Variants in CCSER1 observed in about 807,000 individuals in gnomAD.
CCSER1 encodes serine-rich coiled-coil domain-containing protein 1.
CCSER1 carries 41 observed loss-of-function variants against 82.0 expected under a neutral mutation model. The ratio of observed to expected loss-of-function variants is 0.50; its 90% CI spans 0.39 to 0.65. The LOEUF is 0.65. Ranked by LOEUF, CCSER1 falls within the 30% of genes least tolerant of loss-of-function variation. CCSER1 has a pLI of 0.00. For missense variants in CCSER1, 1,119 were observed against 1,064.2 expected (o/e 1.05, Z -0.72); for synonymous variants, 414 against 383.9 (o/e 1.08, Z -0.92).
At chr4:90,851,144 TG>T (rs1763833446) in intron 8 of CCSER1, among the ~76,000 whole-genome samples, 1 of 152,206 alleles carries the variant, frequency 6.6e-6, no homozygotes, top group East Asian at 1.9e-4. Flanking sequence ...CCTAGGCATG[TG>T]AAACTGTGAG....
intron 10 of CCSER1, among the ~76,000 whole-genome samples, chr4:91,263,043 G>A (rs1741314356): frequency 6.6e-6 from 1 of 151,922 alleles, no homozygotes; most frequent in East Asian, 1.9e-4. Context: ...TAGCCCACGG[G>A]AATTTTGTAA....
At chr4:90,893,792 T>TGG (rs1554038055) in intron 8 of CCSER1, among the ~76,000 whole-genome samples, 73 of 145,390 alleles carry the variant, frequency 5.0e-4, no homozygotes, top group African/African-American at 9.6e-4. Context: ...TGTGTGTGTG[T>TGG]GGGGGGTGAA....
chr4:90,404,513 G>A (rs963877672), intron 4 of CCSER1, among the ~76,000 whole-genome samples: 2 of 152,212 alleles, frequency 1.3e-5, no homozygotes, highest in Non-Finnish European at 2.9e-5. Flanking sequence ...AACTGCAGCT[G>A]ATGCCTTCTT....
At chr4:91,117,806 A>G (rs1050265377) in intron 10 of CCSER1, among the ~76,000 whole-genome samples, 6 of 152,170 alleles carry the variant, frequency 3.9e-5, no homozygotes, top group Non-Finnish European at 8.8e-5. Flanking sequence ...TTATGTTTAT[A>G]TGTTACTTAT....
At chr4:90,683,460 G>T (rs537743479) in intron 6 of CCSER1, among the ~76,000 whole-genome samples, 2 of 152,018 alleles carry the variant, frequency 1.3e-5, no homozygotes, top group East Asian at 3.9e-4. Flanking sequence ...AGCAAAAATG[G>T]TGAATTGGCT....
At chr4:90,666,102 T>A (rs776066026) in intron 6 of CCSER1, among the ~76,000 whole-genome samples, 1 of 152,108 alleles carries the variant, frequency 6.6e-6, no homozygotes, top group Non-Finnish European at 1.5e-5. Flanking sequence ...TTTTCACCTA[T>A]CATATCTGCC....
At chr4:91,496,672 AATATATTTGAATAT>A (rs1366664857) in intron 10 of CCSER1, among the ~76,000 whole-genome samples, 255 of 23,038 alleles carry the variant, frequency 0.011, 76 homozygotes, top group East Asian at 0.099. Flanking sequence ...ATATATATTC[AATATATTTGAATAT>A]ATATATATTC....
chr4:90,195,558 A>G (rs992706327), intron 1 of CCSER1, among the ~76,000 whole-genome samples: 5 of 152,052 alleles, frequency 3.3e-5, no homozygotes, highest in Admixed American at 2.6e-4. Flanking sequence ...GTCCAAACCC[A>G]TAGGATACGC....
At position 90,493,875 on chromosome 4, in the gene CCSER1, C is replaced by A. The variant is rs967862264; in HGVS notation, c.1724+25521C>A. Among the ~76,000 whole-genome samples, 10 of 152,098 alleles carry A rather than the reference C, an allele frequency of 6.6e-5. No homozygotes were observed. In the East Asian group the frequency reaches 7.7e-4, roughly 12 times the overall value. On this transcript the variant is annotated intron_variant, in intron 5 of 10. Coordinates refer to ENST00000509176, the MANE Select transcript of CCSER1 (RefSeq NM_001145065.2). ...GCCTCAGCTAATGAGCAAAATAATC[C>A]GCTAACATCATAATGACAGGATCAA... is the stretch of plus-strand genomic sequence containing the variant.
At chr4:90,700,951 G>A (rs1279145562) in intron 6 of CCSER1, among the ~76,000 whole-genome samples, 1 of 152,164 alleles carries the variant, frequency 6.6e-6, no homozygotes, top group East Asian at 1.9e-4. Flanking sequence ...CACTCTGATG[G>A]TAGTTTCTTT....
At chr4:91,177,837 T>G (rs1183843520) in intron 10 of CCSER1, among the ~76,000 whole-genome samples, 2 of 152,210 alleles carry the variant, frequency 1.3e-5, no homozygotes, top group Admixed American at 6.5e-5. Context: ...CTGATGTTAT[T>G]TCTTGCCTTC....
At chr4:91,112,104 C>T (rs13115351) in intron 10 of CCSER1, among the ~76,000 whole-genome samples, 67,690 of 151,728 alleles carry the variant, frequency 0.45, 15,552 homozygotes, top group East Asian at 0.73. Flanking sequence ...AGTTATATTC[C>T]GGTATTGCTG....
At chr4:91,522,667 C>G (rs1345122491) in intron 10 of CCSER1, among the ~76,000 whole-genome samples, 2 of 152,062 alleles carry the variant, frequency 1.3e-5, no homozygotes, top group Admixed American at 6.6e-5. Context: ...TGATTTGGCT[C>G]TCTGTTTGTC....
chr4:90,980,149 G>A (rs1735979969), intron 9 of CCSER1, among the ~76,000 whole-genome samples: 1 of 151,812 alleles, frequency 6.6e-6, no homozygotes, highest in African/African-American at 2.4e-5. Flanking sequence ...CTTACTTAAA[G>A]GGCAAGACCC....
chr4:91,152,332 T>A (rs1177308547), intron 10 of CCSER1, among the ~76,000 whole-genome samples: 1 of 152,232 alleles, frequency 6.6e-6, no homozygotes, highest in Non-Finnish European at 1.5e-5. Flanking sequence ...GCTTGGCAGA[T>A]CTTCCTCCAT....
intron 10 of CCSER1, among the ~76,000 whole-genome samples, chr4:91,222,761 G>A (rs1737854288): frequency 6.6e-6 from 1 of 152,126 alleles, no homozygotes; most frequent in African/African-American, 2.4e-5. Context: ...CAGTATGATA[G>A]CCATTAGACA....
chr4:90,968,623 G>A (rs1734793692), intron 9 of CCSER1, among the ~76,000 whole-genome samples: 1 of 152,004 alleles, frequency 6.6e-6, no homozygotes, highest in Non-Finnish European at 1.5e-5. Flanking sequence ...AGTGGAACAG[G>A]TACATCCATA....
chr4:91,340,232 G>C (rs1001622105), intron 10 of CCSER1, among the ~76,000 whole-genome samples: 3 of 152,154 alleles, frequency 2.0e-5, no homozygotes, highest in African/African-American at 7.2e-5. Flanking sequence ...TGTGAATGTG[G>C]TCTAATTCTC....
Position 91,160,555 on chromosome 4 carries a change from C to T in CCSER1, c.2217+74561C>T, listed in dbSNP as rs555440931. Among the ~76,000 whole-genome samples, 242 of 152,310 alleles carry T rather than the reference C, an allele frequency of 1.6e-3. 1 individual carries two copies. The highest frequency in any genetic ancestry group is 2.8e-3 in the Non-Finnish European group (193 of 68,030). On this transcript the variant is annotated intron_variant, in intron 10 of 10. Transcript: ENST00000509176. ...TATTTCTCCACATCCTCTCCAGCAC[C>T]TGTTGTGTCCTGACTTTTTAATGAT...
Sources: allele counts gnomAD v4.1 joint callset (sites outside exome capture counted in the v4.1 genomes callset), GRCh38; gene constraint gnomAD v4.1.1; transcripts MANE v1.5; gene names NCBI Gene and HGNC (gene_info 2026-07-23, HGNC 2026-07-21).